The following KRIT1 variants were observed in gnomAD, a reference collection of about 807,000 sequenced individuals.
KRIT1 encodes the protein krev interaction trapped protein 1.
In KRIT1, 45 loss-of-function variants were observed where a neutral mutation model predicts 95.8. The observed-to-expected ratio is 0.47, with a 90% CI of 0.37 to 0.60. KRIT1 has a LOEUF of 0.60. Among genes scored for constraint, KRIT1 ranks in the 20% least tolerant of loss-of-function variants. The pLI, the probability that KRIT1 is intolerant of heterozygous loss-of-function variation, is 0.00. For missense variants in KRIT1, 788 were observed against 877.5 expected, an observed-to-expected ratio of 0.90 and a Z score of 1.29; for synonymous variants, 282 against 278.8, an observed-to-expected ratio of 1.01 and a Z score of -0.11.
At chr7:92,214,562 A>T in intron 15 of KRIT1, 49 bp downstream of exon 15, 1 of 1,398,052 alleles carries the variant, frequency 7.2e-7, no homozygotes, top group East Asian at 2.3e-5. Context: ...TCTTGGTTAA[A>T]CAGAATCTTA....
Position 92,244,028 on chromosome 7 carries a change from T to C in KRIT1, c.-29A>G, listed in dbSNP as rs1018275918. The stretch of plus-strand genomic sequence containing the variant: ...TCATGCAACAGACCTTCCTACATCA[T>C]GTGAAAAGGATGAGGCCTTTTTCTT... On this transcript the variant is annotated 5_prime_UTR_variant, in exon 3 of 19. The change abolishes an upstream ATG in the 5' untranslated region. Coordinates refer to ENST00000394505, the MANE Select transcript of KRIT1 (RefSeq NM_194454.3). The C allele has an allele frequency of 7.9e-5, 12 of 152,170 alleles. No individual in the cohort carries two copies. Among genetic ancestry groups the C allele is most frequent in the African/African-American group, 1.9e-4 (8 of 41,448 alleles). The allele number at this position is 152,170 out of a possible 1,614,324, so 9.4% of individuals were successfully genotyped here.
At position 92,241,118 on chromosome 7, in the gene KRIT1, T is replaced by C; in HGVS notation, c.137A>G (p.Lys46Arg). Residue 46 changes from lysine to arginine, a missense_variant, in exon 5 of 19, where the codon AAA becomes AGA. Coordinates refer to ENST00000394505, the MANE Select transcript of KRIT1 (RefSeq NM_194454.3). ...CAATAAAACTTTCTTTCTCTTTTTT[T>C]TCTGTCCTTCAATGGGAACTTCATG... ...LLHEVPIEGQ[K>R]KKRKKVLLET... 1.2e-6 allele frequency: 2 copies of C among 1,611,520 alleles called. No individual in the cohort carries two copies. The highest frequency in any genetic ancestry group is 1.7e-6 in the Non-Finnish European group (2 of 1,177,710).
chr7:92,227,440 G>A (rs1452764294), intron 10 of KRIT1, among the ~76,000 whole-genome samples: 1 of 152,070 alleles, frequency 6.6e-6, no homozygotes, highest in Non-Finnish European at 1.5e-5. Flanking sequence ...GCGCACGCCT[G>A]TAATCCCAGC....
intron 17 of KRIT1, among the ~76,000 whole-genome samples, chr7:92,207,584 C>T (rs1399916406): frequency 6.6e-6 from 1 of 152,180 alleles, no homozygotes; most frequent in Non-Finnish European, 1.5e-5. Flanking sequence ...CAGCCAGGTG[C>T]AGTGGCTCAC....
chr7:92,204,670 T>C lies in KRIT1; in HGVS notation c.2026-3247A>G, dbSNP rs566308459. Among the ~76,000 whole-genome samples the C allele has an allele frequency of 2.0e-5, 3 of 152,148 alleles. No homozygotes were observed. The South Asian group carries it at 6.2e-4, about 32-fold the overall frequency. On this transcript the variant is annotated intron_variant, in intron 17 of 18. Transcript: ENST00000394505. ...ATTCAAAAGAGGGTTCATGTTCCTA[T>C]AAGAATCTAATGCCACCGTTGATCT...
At position 92,222,904 on chromosome 7, in the gene KRIT1, T is replaced by C. The variant is rs1366839369; in HGVS notation, c.1329A>G (p.Thr443=). The part of the protein sequence containing the change: ...SVELKHGNNT[T]VQQIMEGMRL... ...GCATTCCTTCCATTATCTGCTGCAC[T>C]GTGGTATTATTTCCATGCTTCAATT... The change falls in exon 13 of 19, where the codon ACA becomes ACG. Residue 443 remains threonine (T), a synonymous_variant. Transcript: ENST00000394505. 15 of 1,603,546 alleles carry C rather than the reference T, an allele frequency of 9.4e-6. No homozygotes were observed. The highest frequency in any genetic ancestry group is 1.7e-5 in the Admixed American group (1 of 59,998).
Position 92,221,986 on chromosome 7 carries a change from T to C in KRIT1, c.1479A>G (p.Glu493=). 1 of 1,613,574 alleles carries C rather than the reference T, an allele frequency of 6.2e-7. No individual in the cohort carries two copies. Among genetic ancestry groups the C allele is most frequent in the Admixed American group, 1.7e-5 (1 of 60,026 alleles). ...CCCTTTGAGGATCCAGATTAGTCAA[T>C]TCAGCAAGTATTTCTGGCCAGTCAC... ...HVRDWPEILA[E]LTNLDPQRET... The change falls in exon 14 of 19, where the codon GAA becomes GAG. Residue 493 remains glutamate (E), a synonymous_variant. Coordinates refer to ENST00000394505, the MANE Select transcript of KRIT1 (RefSeq NM_194454.3).
chr7:92,210,622 G>A (rs1792591811), intron 17 of KRIT1, among the ~76,000 whole-genome samples: 1 of 152,142 alleles, frequency 6.6e-6, no homozygotes, highest in Non-Finnish European at 1.5e-5. Context: ...CATTGGTCTA[G>A]GCAAAGATTT....
Position 92,213,880 on chromosome 7 carries a change from T to G in KRIT1, c.1818+12A>C. 6.6e-7 allele frequency: 1 copy of G among 1,515,316 alleles called. No individual in the cohort carries two copies. The highest frequency in any genetic ancestry group is 9.2e-7 in the Non-Finnish European group (1 of 1,090,146). The allele number at this position is 1,515,316 out of a possible 1,614,324, so 93.9% of individuals were successfully genotyped here. ...CTATAAAATGTCTTTTCATTTCTAT[T>G]AAACAGCTTACCTTGTATTCATGAA... On this transcript the variant is annotated intron_variant, in intron 16 of 18. Transcript: ENST00000394505.
intron 17 of KRIT1, among the ~76,000 whole-genome samples, chr7:92,208,664 G>A (rs975050092): frequency 6.6e-6 from 1 of 151,706 alleles, no homozygotes; most frequent in Non-Finnish European, 1.5e-5. Context: ...GAACCAGGAA[G>A]GAAAAGAAAA....
intron 17 of KRIT1, chr7:92,201,638 A>C (rs1017785353): frequency 4.1e-6 from 2 of 491,668 alleles, no homozygotes; most frequent in African/African-American, 3.9e-5. Context: ...TGCACCCATC[A>C]ACCCGTCACC....
At chr7:92,233,539 T>C (rs1206438270) in intron 10 of KRIT1, among the ~76,000 whole-genome samples, 3 of 151,928 alleles carry the variant, frequency 2.0e-5, no homozygotes, top group Non-Finnish European at 4.4e-5. Context: ...CCCAAGTAGC[T>C]GGGATTACAG....
chr7:92,213,882 A>T lies in KRIT1; in HGVS notation c.1818+10T>A. On this transcript the variant is annotated intron_variant, in intron 16 of 18. Transcript: ENST00000394505. ...ATAAAATGTCTTTTCATTTCTATTA[A>T]ACAGCTTACCTTGTATTCATGAAGT... 6.5e-7 allele frequency: 1 copy of T among 1,526,726 alleles called. No homozygotes were observed. The highest frequency in any genetic ancestry group is 1.4e-5 in the African/African-American group (1 of 73,240). 94.6% of individuals were successfully genotyped at this position (1,526,726 alleles called of 1,614,324 possible).
intron 17 of KRIT1, among the ~76,000 whole-genome samples, chr7:92,207,430 T>C (rs1791799855): frequency 1.3e-5 from 2 of 151,794 alleles, no homozygotes; most frequent in African/African-American, 4.8e-5. Context: ...TTTTTGCCAT[T>C]GTTATTAGAT....
rs559573302 is a variant in KRIT1, at chr7:92,223,350, C to T, written c.1255-372G>A. 4.8e-5 allele frequency among the ~76,000 whole-genome samples: 7 copies of T among 146,538 alleles called. No homozygotes were observed. In the South Asian group the frequency reaches 1.3e-3, roughly 27 times the overall value. ...GTCCCAGCTACTAAGGAGGCTGAGG[C>T]GTGAGAATGGCGTGAACCCCGGGAG... On this transcript the variant is annotated intron_variant, in intron 12 of 18. Coordinates refer to ENST00000394505, the MANE Select transcript of KRIT1 (RefSeq NM_194454.3).
At chr7:92,201,588 A>G (rs1790157681) in intron 17 of KRIT1, 165 bp from the exon 18 acceptor site, 3 of 594,430 alleles carry the variant, frequency 5.0e-6, no homozygotes, top group Non-Finnish European at 9.1e-6. Context: ...CAGAATGTGC[A>G]GTTTTGTTAC....
chr7:92,203,102 G>A (rs1790583854), intron 17 of KRIT1, among the ~76,000 whole-genome samples: 2 of 152,172 alleles, frequency 1.3e-5, no homozygotes, highest in African/African-American at 2.4e-5. Flanking sequence ...CAAAAGTACT[G>A]AGCCTGTAGT....
At chr7:92,202,896 T>TA (rs1491312901) in intron 17 of KRIT1, among the ~76,000 whole-genome samples, 1 of 152,202 alleles carries the variant, frequency 6.6e-6, no homozygotes, top group Non-Finnish European at 1.5e-5. Flanking sequence ...AATAGCTACT[T>TA]ATCAAGGTAC....
intron 17 of KRIT1, chr7:92,201,643 G>A (rs1482176520): frequency 1.0e-5 from 5 of 476,204 alleles, no homozygotes; most frequent in Admixed American, 3.3e-5. Flanking sequence ...CCATCAACCC[G>A]TCACCTACAT....
Sources: gnomAD v4.1 joint callset for allele counts (sites outside exome capture counted in the v4.1 genomes callset) on GRCh38, gnomAD v4.1.1 for gene constraint, MANE v1.5 for transcripts, NCBI Gene and HGNC (gene_info 2026-07-23, HGNC 2026-07-21) for gene names.